Variants in KLHL32 observed in about 807,000 individuals in gnomAD.
KLHL32 encodes kelch like family member 32, also known as kelch-like protein 32.
KLHL32 carries 35 observed loss-of-function variants against 64.8 expected under a neutral mutation model. That is an observed-to-expected ratio of 0.54 (90% CI 0.41 to 0.72). The LOEUF is 0.72. Among genes scored for constraint, KLHL32 ranks in the 30% least tolerant of loss-of-function variants. The pLI is 0.00. For missense variants in KLHL32, 589 were observed against 768.5 expected, an observed-to-expected ratio of 0.77 and a Z score of 2.76; for synonymous variants, 259 against 281.0, an observed-to-expected ratio of 0.92 and a Z score of 0.78.
chr6:97,015,587 C>A (rs185298072), intron 3 of KLHL32, among the ~76,000 whole-genome samples: 7 of 152,240 alleles, frequency 4.6e-5, no homozygotes, highest in African/African-American at 7.2e-5. Flanking sequence ...GAAATTGGAA[C>A]CTATGTTTAA....
the KLHL32 span, among the ~76,000 whole-genome samples, chr6:96,898,846 C>A: frequency 4.6e-5 from 7 of 152,096 alleles, no homozygotes; most frequent in Admixed American, 3.9e-4. Flanking sequence ...AGGAAGGAAG[C>A]AGTAGGAAGG....
rs115493184 is a variant in KLHL32 at position 96,972,590 on chromosome 6, T to G, written c.24-3407T>G. 9.1e-3 allele frequency among the ~76,000 whole-genome samples: 1,388 copies of G among 152,324 alleles called. 28 individuals are homozygous for G. The highest frequency in any genetic ancestry group is 0.032 in the African/African-American group (1,332 of 41,562). On this transcript the variant is annotated intron_variant, in intron 2 of 10. Transcript: ENST00000369261. ...CAACATGGCTTCTGTGGGAGACCTT[T>G]TCCAGTTTTAGGATGACACTCAAAT...
chr6:97,046,204 T>G (rs1426247253), intron 4 of KLHL32, among the ~76,000 whole-genome samples: 7 of 152,206 alleles, frequency 4.6e-5, no homozygotes, highest in Non-Finnish European at 1.0e-4. Context: ...AGGCACTTTA[T>G]GCGTGCTGTT....
intron 3 of KLHL32, chr6:97,024,935 A>G (rs918346850): frequency 1.1e-6 from 1 of 929,094 alleles, no homozygotes; most frequent in Non-Finnish European, 1.3e-6. Context: ...TTTTAAGATT[A>G]TAACTTTTAT....
At chr6:97,127,736 C>T (rs575594613) in intron 8 of KLHL32, among the ~76,000 whole-genome samples, 4 of 152,258 alleles carry the variant, frequency 2.6e-5, no homozygotes, top group South Asian at 2.1e-4. Flanking sequence ...CCTGTTGTAA[C>T]GTCCTTCTGG....
At chr6:97,054,737 T>G (rs1247691703) in intron 4 of KLHL32, among the ~76,000 whole-genome samples, 1 of 152,220 alleles carries the variant, frequency 6.6e-6, no homozygotes, top group East Asian at 1.9e-4. Flanking sequence ...CCTTAAAAAC[T>G]AATGATAGCC....
At position 97,002,454 on chromosome 6, in the gene KLHL32, A is replaced by G. The variant is rs932685001; in HGVS notation, c.204+26277A>G. ...AAATATTTTTCAAACTCTATGAAGA[A>G]CCCATATTTTTGTTTATTTATTATT... On this transcript the variant is annotated intron_variant, in intron 3 of 10. Transcript: ENST00000369261. 6.6e-5 allele frequency among the ~76,000 whole-genome samples: 10 copies of G among 152,296 alleles called. No individual in the cohort carries two copies. The East Asian group carries it at 1.7e-3, about 26-fold the overall frequency.
chr6:97,041,835 G>T (rs1045823284), intron 4 of KLHL32, among the ~76,000 whole-genome samples: 1 of 152,146 alleles, frequency 6.6e-6, no homozygotes, highest in African/African-American at 2.4e-5. Context: ...GTGCTTGCTG[G>T]TGTAATTTTT....
chr6:96,985,215 C>T, intron 3 of KLHL32, among the ~76,000 whole-genome samples: 1 of 152,168 alleles, frequency 6.6e-6, no homozygotes, highest in Non-Finnish European at 1.5e-5. Flanking sequence ...TCTCTTCTGG[C>T]TTGTAGAGTT....
intron 7 of KLHL32, among the ~76,000 whole-genome samples, chr6:97,126,710 A>C (rs1367850166): frequency 6.6e-6 from 1 of 152,196 alleles, no homozygotes; most frequent in South Asian, 2.1e-4. Context: ...TGGCTTTTGA[A>C]GACTTAGTAT....
At chr6:97,076,921 G>T (rs942668151) in intron 5 of KLHL32, among the ~76,000 whole-genome samples, 1 of 151,772 alleles carries the variant, frequency 6.6e-6, no homozygotes, top group African/African-American at 2.4e-5. Context: ...CTATGTTTTT[G>T]CCATAAACTA....
At chr6:97,092,410 C>T (rs2128187099) in intron 6 of KLHL32, among the ~76,000 whole-genome samples, 1 of 152,328 alleles carries the variant, frequency 6.6e-6, no homozygotes, top group Non-Finnish European at 1.5e-5. Flanking sequence ...CAAATTCGTA[C>T]ATGTGGTCCC....
At chr6:96,973,137 CTTG>C (rs1775291125) in intron 2 of KLHL32, among the ~76,000 whole-genome samples, 1 of 152,112 alleles carries the variant, frequency 6.6e-6, no homozygotes, top group African/African-American at 2.4e-5. Context: ...AAATATTTAG[CTTG>C]TTGTTTTCTT....
chr6:97,025,324 C>T (rs973350842), intron 3 of KLHL32, among the ~76,000 whole-genome samples: 9 of 152,230 alleles, frequency 5.9e-5, no homozygotes, highest in African/African-American at 1.9e-4. Flanking sequence ...CATGCCTGAA[C>T]TCCTGAAAGA....
intron 4 of KLHL32, among the ~76,000 whole-genome samples, chr6:97,057,551 C>CGCA (rs1167916376): frequency 1.4e-5 from 2 of 148,046 alleles, no homozygotes; most frequent in East Asian, 2.1e-4. Context: ...TCTTTTACAC[C>CGCA]CCCCTCCCGC....
chr6:97,103,767 A>G (rs1583036922), intron 6 of KLHL32, among the ~76,000 whole-genome samples: 1 of 76,968 alleles, frequency 1.3e-5, no homozygotes, highest in Non-Finnish European at 3.0e-5. Flanking sequence ...AGAATTATAG[A>G]CAAAAAAATG....
At chr6:96,987,342 C>A (rs2128058563) in intron 3 of KLHL32, among the ~76,000 whole-genome samples, 1 of 152,138 alleles carries the variant, frequency 6.6e-6, no homozygotes, top group South Asian at 2.1e-4. Context: ...CTCTTGTGGG[C>A]ATTTAGTGGT....
At chr6:96,946,835 GA>G (rs899603894) in intron 1 of KLHL32, among the ~76,000 whole-genome samples, 2 of 152,008 alleles carry the variant, frequency 1.3e-5, no homozygotes, top group African/African-American at 2.4e-5. Flanking sequence ...TACTTAGGGG[GA>G]AAAAAGTGTA....
At chr6:96,961,629 G>A (rs1773893204) in intron 1 of KLHL32, among the ~76,000 whole-genome samples, 1 of 152,010 alleles carries the variant, frequency 6.6e-6, no homozygotes, top group South Asian at 2.1e-4. Flanking sequence ...CTACCTCTCT[G>A]AAAATAGGGC....
Sources: gnomAD v4.1 joint callset for allele counts (sites outside exome capture counted in the v4.1 genomes callset) on GRCh38, gnomAD v4.1.1 for gene constraint, MANE v1.5 for transcripts, NCBI Gene and HGNC (gene_info 2026-07-23, HGNC 2026-07-21) for gene names.